Variants in CRTAC1 observed in about 807,000 individuals in gnomAD.
CRTAC1 encodes the protein cartilage acidic protein 1, also known as acidic secreted protein in cartilage.
CRTAC1 carries 37 observed loss-of-function variants against 67.8 expected under a neutral mutation model. The ratio of observed to expected loss-of-function variants is 0.55; its 90% CI spans 0.42 to 0.72. The LOEUF is 0.72. CRTAC1 is among the 30% of genes least tolerant of loss of function. The pLI is 0.00. For synonymous variants in CRTAC1, 348 were observed against 371.0 expected (o/e 0.94, Z 0.71); for missense variants, 780 against 931.6 (o/e 0.84, Z 2.12).
At chr10:97,881,590 A>C (rs1366047728) in intron 13 of CRTAC1, among the ~76,000 whole-genome samples, 1 of 152,194 alleles carries the variant, frequency 6.6e-6, no homozygotes, top group Non-Finnish European at 1.5e-5. Context: ...TACGAGGCAC[A>C]TAACTGCCTG....
intron 4 of CRTAC1, among the ~76,000 whole-genome samples, chr10:97,920,639 C>A (rs1033439407): frequency 1.1e-4 from 17 of 152,180 alleles, no homozygotes; most frequent in Admixed American, 6.5e-5. Flanking sequence ...TTTTGAGAAC[C>A]ACTGGTCCAG....
At chr10:97,930,838 A>G (rs959677239) in intron 3 of CRTAC1, among the ~76,000 whole-genome samples, 2 of 152,172 alleles carry the variant, frequency 1.3e-5, no homozygotes, top group East Asian at 3.8e-4. Context: ...AGTATGACAC[A>G]GAGCCCAAAA....
chr10:97,920,819 A>C (rs1214541936), intron 4 of CRTAC1, among the ~76,000 whole-genome samples: 6 of 152,248 alleles, frequency 3.9e-5, no homozygotes, highest in African/African-American at 1.4e-4. Context: ...TGTATGTGAA[A>C]AGTCTTTGAA....
At chr10:98,027,136 C>T in intron 1 of CRTAC1, among the ~76,000 whole-genome samples, 1 of 149,738 alleles carries the variant, frequency 6.7e-6, no homozygotes, top group South Asian at 2.1e-4. Flanking sequence ...CACTGCACTC[C>T]AGCCTGGGCG....
chr10:97,986,110 A>C (rs891239791), intron 2 of CRTAC1, among the ~76,000 whole-genome samples: 7 of 152,218 alleles, frequency 4.6e-5, no homozygotes, highest in Non-Finnish European at 8.8e-5. Context: ...GGTAAAGGGA[A>C]GATGAGGCTG....
chr10:97,901,633 C>T lies in CRTAC1; in HGVS notation c.1003G>A (p.Ala335Thr), dbSNP rs145731794. The change falls in exon 8 of 15, where the codon GCC (alanine) becomes ACC (threonine). Residue 335 changes from alanine (A) to threonine (T), a missense_variant. Transcript: ENST00000370597. ...GAGGGCATGGAGAACTTGGGTGAGG[C>T]GATGTCCTGGAGGAAACAAGGCTGG... ...THGKVRFRDI[A>T]SPKFSMPSPV... 1.2e-5 allele frequency: 19 copies of T among 1,613,914 alleles called. No homozygotes were observed. The highest frequency in any genetic ancestry group is 4.0e-5 in the African/African-American group (3 of 74,886).
intron 2 of CRTAC1, among the ~76,000 whole-genome samples, chr10:97,937,713 G>A (rs955618803): frequency 9.2e-5 from 14 of 152,080 alleles, no homozygotes; most frequent in African/African-American, 3.1e-4. Context: ...GCAGGAAGTC[G>A]GTGTGCCCAA....
chr10:97,894,138 C>G (rs2050416647), intron 11 of CRTAC1, among the ~76,000 whole-genome samples: 1 of 152,164 alleles, frequency 6.6e-6, no homozygotes, highest in Admixed American at 6.5e-5. Context: ...CATAGGGTAG[C>G]AGTTGTTTGC....
chr10:97,889,749 A>T (rs2050339900), intron 11 of CRTAC1, among the ~76,000 whole-genome samples: 1 of 152,126 alleles, frequency 6.6e-6, no homozygotes, highest in South Asian at 2.1e-4. Flanking sequence ...CTGCAAAGTC[A>T]TGGGGAGGCA....
intron 2 of CRTAC1, among the ~76,000 whole-genome samples, chr10:97,967,699 T>TA (rs963261586): frequency 1.3e-5 from 2 of 151,222 alleles, no homozygotes; most frequent in African/African-American, 2.4e-5. Context: ...TAAACAACAT[T>TA]AAAAAAAAAC....
chr10:97,896,706 C>T (rs2050464006), intron 9 of CRTAC1, among the ~76,000 whole-genome samples: 1 of 152,176 alleles, frequency 6.6e-6, no homozygotes, highest in South Asian at 2.1e-4. Flanking sequence ...AGTGGACCAT[C>T]CTCTCCTCTG....
chr10:97,932,739 A>G (rs1038513346), intron 3 of CRTAC1, among the ~76,000 whole-genome samples: 3 of 152,110 alleles, frequency 2.0e-5, no homozygotes, highest in Admixed American at 2.0e-4. Context: ...GTCACATAGG[A>G]GGGGTGCTGT....
intron 2 of CRTAC1, among the ~76,000 whole-genome samples, chr10:97,962,285 A>G (rs2051538728): frequency 6.7e-6 from 1 of 149,580 alleles, no homozygotes; most frequent in South Asian, 2.1e-4. Flanking sequence ...ACAGCCAACT[A>G]CCTCGAAGTT....
At chr10:97,904,047 C>T (rs2050576341) in intron 7 of CRTAC1, among the ~76,000 whole-genome samples, 1 of 151,638 alleles carries the variant, frequency 6.6e-6, no homozygotes, top group Non-Finnish European at 1.5e-5. Flanking sequence ...TCCTGTATCC[C>T]CTGCACACTC....
chr10:97,865,433 C>T lies in CRTAC1; in HGVS notation c.*115G>A. The T allele has an allele frequency of 7.7e-7, 1 of 1,303,136 alleles. No individual in the cohort carries two copies. The allele number at this position is 1,303,136 out of a possible 1,614,324, so 80.7% of individuals were successfully genotyped here. The stretch of plus-strand genomic sequence containing the variant: ...TAGCTAAGTAATGTGCATGGATGGG[C>T]TTGGGGAGGGTCTAGCTCCCAGGCC... On this transcript the variant is annotated 3_prime_UTR_variant, in exon 15 of 15. Coordinates refer to ENST00000370597, the MANE Select transcript of CRTAC1 (RefSeq NM_018058.7).
intron 2 of CRTAC1, among the ~76,000 whole-genome samples, chr10:98,010,349 T>G (rs996144587): frequency 1.3e-5 from 2 of 152,156 alleles, no homozygotes; most frequent in Non-Finnish European, 2.9e-5. Flanking sequence ...CCTCAATGCA[T>G]AATAATTATC....
At chr10:97,869,142 A>G (rs1433979224) in intron 14 of CRTAC1, 5 of 152,244 alleles carry the variant, frequency 3.3e-5, no homozygotes, top group Admixed American at 3.3e-4. Flanking sequence ...TGGGATTAGG[A>G]TCAGGCAGAT....
chr10:97,926,848 T>C (rs1363752017), intron 3 of CRTAC1, among the ~76,000 whole-genome samples: 1 of 152,154 alleles, frequency 6.6e-6, no homozygotes, highest in African/African-American at 2.4e-5. Flanking sequence ...AGGCTTGCTA[T>C]TGCTTCCAGA....
At chr10:97,907,954 T>C (rs779584511) in intron 6 of CRTAC1, 59 bp downstream of exon 6, 6 of 1,594,734 alleles carry the variant, frequency 3.8e-6, no homozygotes, top group Admixed American at 1.7e-5. Context: ...CAGTCTGGAG[T>C]CCTCTGTGGG....
Sources: gnomAD v4.1 joint callset for allele counts (sites outside exome capture counted in the v4.1 genomes callset) on GRCh38, gnomAD v4.1.1 for gene constraint, MANE v1.5 for transcripts, NCBI Gene and HGNC (gene_info 2026-07-23, HGNC 2026-07-21) for gene names.